The following PIP4K2A variants were observed in gnomAD, a reference collection of about 807,000 sequenced individuals.
PIP4K2A encodes phosphatidylinositol 5-phosphate 4-kinase type-2 alpha.
A neutral mutation model predicts 42.9 loss-of-function variants in PIP4K2A; 14 were observed. That is an observed-to-expected ratio of 0.33 (90% confidence interval 0.22 to 0.51). The LOEUF is 0.51. Among genes scored for constraint, PIP4K2A ranks in the 20% least tolerant of loss-of-function variants. The pLI is 0.97. For missense variants in PIP4K2A, 434 were observed against 519.8 expected, an observed-to-expected ratio of 0.83 and a Z score of 1.61; for synonymous variants, 192 against 192.2, an observed-to-expected ratio of 1.00 and a Z score of 0.01.
At chr10:22,556,027 G>A (rs1314981611) in intron 6 of PIP4K2A, among the ~76,000 whole-genome samples, 1 of 152,190 alleles carries the variant, frequency 6.6e-6, no homozygotes, top group African/African-American at 2.4e-5. Context: ...TTTAAACGAT[G>A]TTTAAAATTT....
At chr10:22,646,565 A>C (rs1222168351) in intron 1 of PIP4K2A, among the ~76,000 whole-genome samples, 1 of 152,224 alleles carries the variant, frequency 6.6e-6, no homozygotes, top group Non-Finnish European at 1.5e-5. Flanking sequence ...GGCAAAAAAA[A>C]CACAAAAATC....
intron 6 of PIP4K2A, chr10:22,567,500 T>C (rs1413492039): frequency 1.2e-5 from 6 of 494,176 alleles, no homozygotes; most frequent in Non-Finnish European, 2.3e-5. Context: ...TGAAGCAGTG[T>C]TAGGTCCTGG....
At chr10:22,703,355 G>A (rs1588716439) in intron 1 of PIP4K2A, among the ~76,000 whole-genome samples, 2 of 152,312 alleles carry the variant, frequency 1.3e-5, no homozygotes. Context: ...GCTGCAGTGA[G>A]CTATGACCAT....
chr10:22,653,847 C>A (rs574159108), intron 1 of PIP4K2A, among the ~76,000 whole-genome samples: 1 of 152,240 alleles, frequency 6.6e-6, no homozygotes, highest in Admixed American at 6.5e-5. Context: ...GCACTCCAGC[C>A]TGGGCAACAG....
At chr10:22,617,790 T>C (rs1564444834) in intron 1 of PIP4K2A, among the ~76,000 whole-genome samples, 3 of 152,070 alleles carry the variant, frequency 2.0e-5, no homozygotes, top group African/African-American at 4.8e-5. Context: ...CGAGAGTGGG[T>C]TGGGAATTAT....
chr10:22,618,782 C>A (rs1838245502), intron 1 of PIP4K2A, among the ~76,000 whole-genome samples: 1 of 152,180 alleles, frequency 6.6e-6, no homozygotes, highest in South Asian at 2.1e-4. Flanking sequence ...CTGGCTGACA[C>A]AGAATTACCC....
intron 1 of PIP4K2A, among the ~76,000 whole-genome samples, chr10:22,633,842 G>A (rs114698464): frequency 4.6e-5 from 7 of 152,172 alleles, no homozygotes; most frequent in Non-Finnish European, 8.8e-5. Context: ...CCAAGCAAGC[G>A]AATTCACAGG....
intron 1 of PIP4K2A, among the ~76,000 whole-genome samples, chr10:22,649,145 T>C (rs1013758545): frequency 6.6e-6 from 1 of 152,242 alleles, no homozygotes; most frequent in African/African-American, 2.4e-5. Flanking sequence ...TTGCATGCAT[T>C]TGTTTAATGG....
chr10:22,546,397 G>C (rs2130751198), intron 7 of PIP4K2A, among the ~76,000 whole-genome samples: 1 of 152,098 alleles, frequency 6.6e-6, no homozygotes, highest in South Asian at 2.1e-4. Flanking sequence ...TTAATTCACG[G>C]GCTCTCATCT....
chr10:22,710,684 C>T (rs1260045807), intron 1 of PIP4K2A, among the ~76,000 whole-genome samples: 3 of 152,058 alleles, frequency 2.0e-5, no homozygotes, highest in South Asian at 2.1e-4. Flanking sequence ...TGTGATAGGC[C>T]CCCCAAACCC....
At chr10:22,580,705 T>G (rs1169226872) in intron 4 of PIP4K2A, among the ~76,000 whole-genome samples, 1 of 152,202 alleles carries the variant, frequency 6.6e-6, no homozygotes, top group South Asian at 2.1e-4. Flanking sequence ...ACTTCCAGAT[T>G]ACAAGAATGC....
At chr10:22,572,133 T>C (rs1017479589) in intron 5 of PIP4K2A, among the ~76,000 whole-genome samples, 6 of 152,298 alleles carry the variant, frequency 3.9e-5, no homozygotes, top group African/African-American at 1.4e-4. Flanking sequence ...CCAAAAAACT[T>C]GAGAACCAAA....
At chr10:22,705,425 TTAAAAAAAAAA>T (rs1409287613) in intron 1 of PIP4K2A, among the ~76,000 whole-genome samples, 24 of 56,874 alleles carry the variant, frequency 4.2e-4, no homozygotes. Context: ...AGTACCCCAG[TTAAAAAAAAAA>T]AAAAAAAAAA....
chr10:22,669,402 A>T (rs1296680767), intron 1 of PIP4K2A, among the ~76,000 whole-genome samples: 1 of 152,214 alleles, frequency 6.6e-6, no homozygotes, highest in African/African-American at 2.4e-5. Context: ...TAATCGCCTA[A>T]CAACACATTT....
chr10:22,587,425 A>G, intron 4 of PIP4K2A, among the ~76,000 whole-genome samples: 1 of 152,118 alleles, frequency 6.6e-6, no homozygotes, highest in Non-Finnish European at 1.5e-5. Context: ...AACAAGCAAG[A>G]AGAAACAGAA....
intron 9 of PIP4K2A, among the ~76,000 whole-genome samples, chr10:22,538,898 T>C (rs1331767719): frequency 6.6e-6 from 1 of 152,224 alleles, no homozygotes; most frequent in Non-Finnish European, 1.5e-5. Flanking sequence ...GAATACTGTG[T>C]TTGTTAGGCT....
chr10:22,561,274 T>A (rs1453656718), intron 6 of PIP4K2A, among the ~76,000 whole-genome samples: 2 of 152,256 alleles, frequency 1.3e-5, no homozygotes, highest in Non-Finnish European at 2.9e-5. Flanking sequence ...GTTCTGAGAC[T>A]TGTTGCCATG....
At chr10:22,693,609 T>C (rs544800511) in intron 1 of PIP4K2A, among the ~76,000 whole-genome samples, 1 of 152,126 alleles carries the variant, frequency 6.6e-6, no homozygotes, top group Admixed American at 6.5e-5. Context: ...AGAGAGAAAT[T>C]AGTTTTTAGA....
intron 5 of PIP4K2A, among the ~76,000 whole-genome samples, chr10:22,571,762 AACTT>A (rs1345928722): frequency 2.4e-4 from 36 of 152,244 alleles, no homozygotes; most frequent in Non-Finnish European, 5.0e-4. Flanking sequence ...ATGCTTTAAC[AACTT>A]TCCAAACTTC....
Sources: gnomAD v4.1 joint callset for allele counts (sites outside exome capture counted in the v4.1 genomes callset) on GRCh38, gnomAD v4.1.1 for gene constraint, MANE v1.5 for transcripts, NCBI Gene and HGNC (gene_info 2026-07-23, HGNC 2026-07-21) for gene names.